Variants in CSMD1 observed in about 807,000 individuals in gnomAD.
CSMD1 encodes CUB and sushi domain-containing protein 1.
A neutral mutation model predicts 417.5 loss-of-function variants in CSMD1; 213 were observed. That is an observed-to-expected ratio of 0.51 (90% CI 0.46 to 0.57). The LOEUF is 0.57. Among genes scored for constraint, CSMD1 ranks in the 20% least tolerant of loss-of-function variants. The pLI is 0.00. For missense variants in CSMD1, 6,923 were observed against 4,529.7 expected, an observed-to-expected ratio of 1.53 and a Z score of -15.17; for synonymous variants, 2,862 against 1,736.8, an observed-to-expected ratio of 1.65 and a Z score of -16.11.
At chr8:4,139,555 G>C (rs1220371602) in intron 3 of CSMD1, among the ~76,000 whole-genome samples, 1 of 151,118 alleles carries the variant, frequency 6.6e-6, no homozygotes, top group Non-Finnish European at 1.5e-5. Context: ...ACGACGATCT[G>C]CATATAGCTC....
At chr8:4,939,088 G>A (rs966737665) in intron 1 of CSMD1, among the ~76,000 whole-genome samples, 2 of 152,186 alleles carry the variant, frequency 1.3e-5, no homozygotes, top group Non-Finnish European at 2.9e-5. Flanking sequence ...CCCCCTCTGC[G>A]GGTTGCCTCT....
chr8:3,467,665 A>G (rs112404163), intron 12 of CSMD1, among the ~76,000 whole-genome samples: 116 of 152,078 alleles, frequency 7.6e-4, no homozygotes, highest in African/African-American at 2.7e-3. Flanking sequence ...CCACACACCA[A>G]GAGACCCTTT....
chr8:4,740,596 G>A lies in CSMD1; in HGVS notation c.86-103038C>T, dbSNP rs190739928. Among the ~76,000 whole-genome samples the A allele has an allele frequency of 4.4e-4, 67 of 152,240 alleles. 2 individuals are homozygous for A. The highest frequency in any genetic ancestry group is 3.4e-3 in the Middle Eastern group (1 of 294). ...ATTATGGTCTCAGATAGCGTAACAA[G>A]CACCAATTGATGAAATGTTGTGGAA... On this transcript the variant is annotated intron_variant, in intron 1 of 69. Transcript: ENST00000635120.
chr8:4,097,945 T>C (rs560034779), intron 3 of CSMD1, among the ~76,000 whole-genome samples: 7 of 152,322 alleles, frequency 4.6e-5, no homozygotes, highest in African/African-American at 1.7e-4. Flanking sequence ...TTAATTTCTG[T>C]TTGATCATGG....
At chr8:4,846,151 C>G (rs538524052) in intron 1 of CSMD1, among the ~76,000 whole-genome samples, 3 of 152,322 alleles carry the variant, frequency 2.0e-5, no homozygotes, top group East Asian at 1.9e-4. Flanking sequence ...GTCCTGCATA[C>G]TATTGTGTAT....
intron 2 of CSMD1, among the ~76,000 whole-genome samples, chr8:4,589,479 T>C (rs1799879611): frequency 2.0e-5 from 3 of 152,232 alleles, no homozygotes; most frequent in South Asian, 4.1e-4. Context: ...AACTCTCTGC[T>C]GATCAGTGCC....
intron 3 of CSMD1, among the ~76,000 whole-genome samples, chr8:4,168,382 G>C (rs1346828986): frequency 6.6e-6 from 1 of 151,870 alleles, no homozygotes; most frequent in Non-Finnish European, 1.5e-5. Context: ...GTGACAGAGT[G>C]AGACCCTTAC....
chr8:4,932,145 G>C (rs1165390295), intron 1 of CSMD1, among the ~76,000 whole-genome samples: 1 of 152,144 alleles, frequency 6.6e-6, no homozygotes, highest in Admixed American at 6.6e-5. Flanking sequence ...GTTGCTTCTA[G>C]ATAAATTGAT....
At chr8:3,445,574 T>C (rs1815249487) in intron 12 of CSMD1, among the ~76,000 whole-genome samples, 1 of 152,040 alleles carries the variant, frequency 6.6e-6, no homozygotes. Context: ...AAAGTGCGGA[T>C]GATGAATCAG....
chr8:3,711,717 T>C (rs1801518776), intron 6 of CSMD1, among the ~76,000 whole-genome samples: 2 of 152,196 alleles, frequency 1.3e-5, no homozygotes, highest in South Asian at 4.1e-4. Context: ...CTCCCCAGGA[T>C]AATGCTTTCA....
At chr8:3,346,386 C>T (rs1254643282) in intron 22 of CSMD1, among the ~76,000 whole-genome samples, 1 of 152,176 alleles carries the variant, frequency 6.6e-6, no homozygotes, top group Non-Finnish European at 1.5e-5. Context: ...TAAAGGCTTA[C>T]TGACTTCTAA....
At position 3,018,614 on chromosome 8, in the gene CSMD1, C is replaced by A. The variant is rs369344908; in HGVS notation, c.7892G>T (p.Gly2631Val). The change falls in exon 52 of 70, where the codon GGC (glycine) becomes GTC (valine). Residue 2631 changes from glycine to valine, a missense_variant. Coordinates refer to ENST00000635120, the MANE Select transcript of CSMD1 (RefSeq NM_033225.6). ...SCGSLSFPPN[G>V]NKIGTLTVYG... The stretch of plus-strand genomic sequence containing the variant: ...AACTGTCAACGTTCCAATCTTGTTG[C>A]CATTTGGGGGAAAGGAAAGGCTTCC... 21 of 1,611,762 alleles carry A rather than the reference C, an allele frequency of 1.3e-5. No homozygotes were observed. The highest frequency in any genetic ancestry group is 2.7e-5 in the African/African-American group (2 of 74,498).
chr8:4,484,777 G>A lies in CSMD1; in HGVS notation c.303-64712C>T, dbSNP rs4541950. Among the ~76,000 whole-genome samples the A allele has an allele frequency of 1.8e-3, 270 of 151,950 alleles. 1 individual carries two copies. The highest frequency in any genetic ancestry group is 6.3e-3 in the African/African-American group (263 of 41,446). ...GAGGTCAGGAGATCGAGACCATCCT[G>A]GCTAACACGGTGAAACCCCGTCTCT... On this transcript the variant is annotated intron_variant, in intron 2 of 69. Coordinates refer to ENST00000635120, the MANE Select transcript of CSMD1 (RefSeq NM_033225.6).
intron 1 of CSMD1, among the ~76,000 whole-genome samples, chr8:4,988,103 GA>G (rs1811273800): frequency 6.6e-6 from 1 of 152,050 alleles, no homozygotes; most frequent in Non-Finnish European, 1.5e-5. Flanking sequence ...CTAATACAGT[GA>G]AAAAAACTGG....
At chr8:4,289,637 T>C (rs916299861) in intron 3 of CSMD1, among the ~76,000 whole-genome samples, 1 of 152,060 alleles carries the variant, frequency 6.6e-6, no homozygotes, top group Non-Finnish European at 1.5e-5. Flanking sequence ...CTGGACGGAG[T>C]AGAGCAGCTG....
At chr8:3,329,624 C>G (rs887919001) in intron 23 of CSMD1, among the ~76,000 whole-genome samples, 12 of 152,180 alleles carry the variant, frequency 7.9e-5, no homozygotes, top group African/African-American at 2.9e-4. Context: ...CAGGTTGGAG[C>G]TCAGGCTACT....
At chr8:3,797,085 C>T (rs1800193861) in intron 5 of CSMD1, among the ~76,000 whole-genome samples, 1 of 151,814 alleles carries the variant, frequency 6.6e-6, no homozygotes, top group African/African-American at 2.4e-5. Flanking sequence ...ATGGACTTCT[C>T]CTTTAATGGG....
chr8:4,797,626 G>C (rs1161487847), intron 1 of CSMD1, among the ~76,000 whole-genome samples: 1 of 152,162 alleles, frequency 6.6e-6, no homozygotes, highest in Non-Finnish European at 1.5e-5. Flanking sequence ...GATTGAAACA[G>C]TATAAAGCGA....
intron 2 of CSMD1, among the ~76,000 whole-genome samples, chr8:4,495,681 C>G (rs1454600671): frequency 6.6e-6 from 1 of 152,252 alleles, no homozygotes; most frequent in East Asian, 1.9e-4. Flanking sequence ...AAAATACTAT[C>G]AAATTATCTG....
Sources: gnomAD v4.1 joint callset for allele counts (sites outside exome capture counted in the v4.1 genomes callset) on GRCh38, gnomAD v4.1.1 for gene constraint, MANE v1.5 for transcripts, NCBI Gene and HGNC (gene_info 2026-07-23, HGNC 2026-07-21) for gene names.